The following HYAL4 variants were observed in gnomAD, a reference collection of about 807,000 sequenced individuals.
HYAL4 encodes hyaluronidase-4.
A neutral mutation model predicts 35.2 loss-of-function variants in HYAL4; 37 were observed. The ratio of observed to expected loss-of-function variants is 1.05; its 90% confidence interval spans 0.81 to 1.38. HYAL4 has a LOEUF of 1.38. HYAL4 is among the 40% of genes most tolerant of loss of function. The probability of loss-of-function intolerance (pLI) is 0.00; values close to 1 mark genes in which losing one functional copy is unlikely to be tolerated. For missense variants in HYAL4, 572 were observed against 572.4 expected (o/e 1.00, Z 0.01); for synonymous variants, 198 against 203.2 (o/e 0.97, Z 0.22).
At chr7:123,865,304 C>T (rs1254385588) in intron 2 of HYAL4, among the ~76,000 whole-genome samples, 1 of 152,134 alleles carries the variant, frequency 6.6e-6, no homozygotes, top group Non-Finnish European at 1.5e-5. Flanking sequence ...AGAAAAGCTT[C>T]TTCCCCCTTC....
At chr7:123,780,489 T>G in the HYAL4 span, among the ~76,000 whole-genome samples, 1 of 152,192 alleles carries the variant, frequency 6.6e-6, no homozygotes, top group Non-Finnish European at 1.5e-5. Context: ...TTAAGATTAT[T>G]TTTATTATTC....
At chr7:123,777,295 A>T in the HYAL4 span, among the ~76,000 whole-genome samples, 2 of 152,164 alleles carry the variant, frequency 1.3e-5, no homozygotes, top group South Asian at 4.2e-4. Flanking sequence ...GAAACAGTAT[A>T]AAAAAGAATG....
the HYAL4 span, among the ~76,000 whole-genome samples, chr7:123,765,291 GCAA>G: frequency 6.6e-6 from 1 of 152,170 alleles, no homozygotes; most frequent in Admixed American, 6.5e-5. Flanking sequence ...TGTTCTCTAA[GCAA>G]GTTTCTAAGA....
At chr7:123,847,825 C>T (rs1055962607) in intron 1 of HYAL4, among the ~76,000 whole-genome samples, 6 of 152,026 alleles carry the variant, frequency 3.9e-5, no homozygotes, top group African/African-American at 1.4e-4. Flanking sequence ...AGCACTTGAC[C>T]CCCTTTTTTC....
the HYAL4 span, among the ~76,000 whole-genome samples, chr7:123,790,889 C>G: frequency 6.6e-6 from 1 of 151,872 alleles, no homozygotes; most frequent in South Asian, 2.1e-4. Flanking sequence ...CTCAGCCTCC[C>G]AAGTAGCTGG....
At chr7:123,820,778 C>T in the HYAL4 span, among the ~76,000 whole-genome samples, 3 of 152,076 alleles carry the variant, frequency 2.0e-5, no homozygotes, top group Non-Finnish European at 2.9e-5. Context: ...ATAACTGAAA[C>T]GTTACAACCT....
At chr7:123,791,873 C>G in the HYAL4 span, among the ~76,000 whole-genome samples, 20,245 of 152,182 alleles carry the variant, frequency 0.13, 1,569 homozygotes, top group Admixed American at 0.19. Context: ...AACACCTGTT[C>G]CCATACAAGG....
chr7:123,850,779 A>G (rs1178744311), intron 2 of HYAL4, among the ~76,000 whole-genome samples: 3 of 152,188 alleles, frequency 2.0e-5, no homozygotes, highest in South Asian at 2.1e-4. Context: ...ACTGGCTACA[A>G]TCCTAGGCTG....
the HYAL4 span, among the ~76,000 whole-genome samples, chr7:123,791,051 C>T: frequency 1.3e-5 from 2 of 152,298 alleles, no homozygotes; most frequent in Non-Finnish European, 2.9e-5. Flanking sequence ...AGTCAGGAGC[C>T]ACTGTGCCTG....
chr7:123,821,904 A>G, the HYAL4 span, among the ~76,000 whole-genome samples: 2 of 152,242 alleles, frequency 1.3e-5, no homozygotes, highest in African/African-American at 4.8e-5. Context: ...TGAAGAGACT[A>G]TCCTTTCTCT....
chr7:123,820,204 C>A, the HYAL4 span, among the ~76,000 whole-genome samples: 5 of 151,792 alleles, frequency 3.3e-5, no homozygotes, highest in Non-Finnish European at 5.9e-5. Flanking sequence ...AAAAATGATT[C>A]TTTACTTTGC....
At chr7:123,776,570 C>T in the HYAL4 span, among the ~76,000 whole-genome samples, 4 of 152,000 alleles carry the variant, frequency 2.6e-5, no homozygotes, top group East Asian at 3.9e-4. Context: ...GGCATCACCA[C>T]GCCTGGCTAA....
At chr7:123,854,939 C>T (rs966009627) in intron 2 of HYAL4, among the ~76,000 whole-genome samples, 7 of 152,158 alleles carry the variant, frequency 4.6e-5, no homozygotes, top group African/African-American at 1.7e-4. Flanking sequence ...GGACAGTTAG[C>T]TCTTCTTGTT....
chr7:123,825,134 A>G (rs1351449363), upstream of HYAL4, among the ~76,000 whole-genome samples: 1 of 151,870 alleles, frequency 6.6e-6, no homozygotes, highest in South Asian at 2.1e-4. Context: ...CTCTATATAT[A>G]TATCTATGAT....
the HYAL4 span, among the ~76,000 whole-genome samples, chr7:123,787,066 C>T: frequency 1.5e-5 from 2 of 135,728 alleles, no homozygotes; most frequent in Non-Finnish European, 3.0e-5. Context: ...GAGATTGCAC[C>T]ATTGCACTCC....
At chr7:123,846,966 C>T (rs1392467071) in intron 1 of HYAL4, among the ~76,000 whole-genome samples, 1 of 152,180 alleles carries the variant, frequency 6.6e-6, no homozygotes, top group African/African-American at 2.4e-5. Context: ...TTTCCCACTT[C>T]CACAGCTTGG....
chr7:123,774,758 T>C, the HYAL4 span, among the ~76,000 whole-genome samples: 10 of 152,238 alleles, frequency 6.6e-5, no homozygotes, highest in Non-Finnish European at 1.0e-4. Flanking sequence ...ACATGTGTTC[T>C]CTCACCTCTG....
At chr7:123,816,011 G>C in the HYAL4 span, among the ~76,000 whole-genome samples, 3 of 152,120 alleles carry the variant, frequency 2.0e-5, no homozygotes, top group African/African-American at 7.2e-5. Context: ...AGTTTAGAAG[G>C]AAAAGAATCA....
chr7:123,770,808 CAT>C, the HYAL4 span, among the ~76,000 whole-genome samples: 2 of 151,964 alleles, frequency 1.3e-5, no homozygotes, highest in African/African-American at 4.8e-5. Context: ...TTATATATGA[CAT>C]ATGCTTAAAA....
Sources: gnomAD v4.1 joint callset for allele counts (sites outside exome capture counted in the v4.1 genomes callset) on GRCh38, gnomAD v4.1.1 for gene constraint, MANE v1.5 for transcripts, NCBI Gene and HGNC (gene_info 2026-07-23, HGNC 2026-07-21) for gene names.